Variants in ASTN2 observed in about 807,000 individuals in gnomAD.
ASTN2 encodes the protein astrotactin-2.
A neutral mutation model predicts 139.8 loss-of-function variants in ASTN2; 54 were observed. The observed-to-expected ratio is 0.39, with a 90% CI of 0.31 to 0.48. The LOEUF (loss-of-function observed/expected upper bound fraction) is 0.48. Ranked by LOEUF, ASTN2 falls within the 20% of genes least tolerant of loss-of-function variation. The probability of loss-of-function intolerance (pLI) is 0.95; values close to 1 mark genes in which losing one functional copy is unlikely to be tolerated. For missense variants in ASTN2, 1,565 were observed against 1,725.1 expected (o/e 0.91, Z 1.64); for synonymous variants, 756 against 719.5 (o/e 1.05, Z -0.81).
At chr9:117,246,030 C>T (rs1179793242) in intron 2 of ASTN2, among the ~76,000 whole-genome samples, 1 of 152,092 alleles carries the variant, frequency 6.6e-6, no homozygotes, top group African/African-American at 2.4e-5. Context: ...CAACTATGTC[C>T]CTGATGCGTG....
chr9:116,636,456 C>T (rs946087412), intron 17 of ASTN2, among the ~76,000 whole-genome samples: 6 of 152,142 alleles, frequency 3.9e-5, no homozygotes, highest in Non-Finnish European at 7.4e-5. Context: ...AGGTGGATCA[C>T]CTGAGGTCAG....
At chr9:117,046,003 T>C (rs368704629) in intron 5 of ASTN2, among the ~76,000 whole-genome samples, 1,430 of 108,402 alleles carry the variant, frequency 0.013, 18 homozygotes, top group Middle Eastern at 0.026. Flanking sequence ...TATGTATGTA[T>C]GTATGTATGT....
chr9:116,652,874 T>C (rs1857998191), intron 16 of ASTN2, among the ~76,000 whole-genome samples: 1 of 152,162 alleles, frequency 6.6e-6, no homozygotes, highest in Non-Finnish European at 1.5e-5. Flanking sequence ...TATAAACCAG[T>C]ATTTTCCACC....
intron 1 of ASTN2, among the ~76,000 whole-genome samples, chr9:117,319,755 G>T (rs1828267927): frequency 6.6e-6 from 1 of 151,992 alleles, no homozygotes; most frequent in African/African-American, 2.4e-5. Flanking sequence ...CATTATTAAG[G>T]CTCAATGAGG....
At chr9:117,336,958 C>T (rs1828906157) in intron 1 of ASTN2, among the ~76,000 whole-genome samples, 1 of 152,176 alleles carries the variant, frequency 6.6e-6, no homozygotes, top group African/African-American at 2.4e-5. Context: ...TCCGTTTTTC[C>T]TCTTAGCTGT....
At chr9:116,678,046 T>C (rs1378296864) in intron 16 of ASTN2, among the ~76,000 whole-genome samples, 1 of 152,198 alleles carries the variant, frequency 6.6e-6, no homozygotes, top group Non-Finnish European at 1.5e-5. Flanking sequence ...AAATAGAAAC[T>C]TTAATGCCTT....
rs75499885 is a variant in ASTN2 at position 117,158,157 on chromosome 9, C to T, written c.1016-16679G>A. Among the ~76,000 whole-genome samples the T allele has an allele frequency of 5.1e-4, 77 of 152,108 alleles. No individual in the cohort carries two copies. In the East Asian group the frequency reaches 9.1e-3, roughly 18 times the overall value. ...GCTCAAAGTCTCAATAGTAATTATA[C>T]GTGTAGTCAGGGTACTAACCCAGTT... On this transcript the variant is annotated intron_variant, in intron 3 of 22. Transcript: ENST00000313400.
chr9:117,052,426 C>A (rs4838119), intron 5 of ASTN2, among the ~76,000 whole-genome samples: 1 of 141,788 alleles, frequency 7.1e-6, no homozygotes, highest in Non-Finnish European at 1.5e-5. Context: ...GAGAGAGAGA[C>A]TCCATCTTAA....
At chr9:116,461,101 C>T (rs1242986489) in intron 20 of ASTN2, among the ~76,000 whole-genome samples, 1 of 152,028 alleles carries the variant, frequency 6.6e-6, no homozygotes, top group African/African-American at 2.4e-5. Flanking sequence ...CCCTCACCTC[C>T]TTTTCCATGA....
chr9:116,734,122 C>A (rs1442655888), intron 13 of ASTN2, among the ~76,000 whole-genome samples: 2 of 151,834 alleles, frequency 1.3e-5, no homozygotes, highest in Non-Finnish European at 2.9e-5. Flanking sequence ...GAAACTGAGG[C>A]CTGGAGAAAG....
intron 10 of ASTN2, among the ~76,000 whole-genome samples, chr9:116,897,046 C>T (rs1308304966): frequency 6.6e-6 from 1 of 152,114 alleles, no homozygotes; most frequent in African/African-American, 2.4e-5. Context: ...AGAAATGTGG[C>T]ATATTTTTCT....
intron 1 of ASTN2, among the ~76,000 whole-genome samples, chr9:117,391,184 C>T (rs1387048936): frequency 6.6e-6 from 1 of 152,148 alleles, no homozygotes; most frequent in Non-Finnish European, 1.5e-5. Flanking sequence ...TTCTAAGGGA[C>T]AGCTAAAGCT....
intron 19 of ASTN2, among the ~76,000 whole-genome samples, chr9:116,536,681 A>G (rs1294647872): frequency 6.6e-6 from 1 of 152,248 alleles, no homozygotes; most frequent in Non-Finnish European, 1.5e-5. Context: ...AATATTGCTG[A>G]ACAGCAAATG....
chr9:116,721,623 T>A (rs966073886), intron 16 of ASTN2, among the ~76,000 whole-genome samples: 3 of 152,204 alleles, frequency 2.0e-5, no homozygotes, highest in Non-Finnish European at 4.4e-5. Context: ...ATGCTAATCA[T>A]GTCTGGAACC....
At chr9:116,504,661 T>G (rs1451887900) in intron 19 of ASTN2, among the ~76,000 whole-genome samples, 4 of 152,062 alleles carry the variant, frequency 2.6e-5, no homozygotes, top group Non-Finnish European at 4.4e-5. Flanking sequence ...GCCTAGTATT[T>G]CATGTACTGC....
intron 7 of ASTN2, among the ~76,000 whole-genome samples, chr9:116,999,193 T>C (rs1009211023): frequency 3.3e-5 from 5 of 152,200 alleles, no homozygotes; most frequent in African/African-American, 1.2e-4. Flanking sequence ...CATGCTAAGT[T>C]ATTAGTGCTT....
chr9:116,451,929 G>A (rs1848188625), intron 20 of ASTN2, among the ~76,000 whole-genome samples: 1 of 150,446 alleles, frequency 6.6e-6, no homozygotes, highest in Non-Finnish European at 1.5e-5. Flanking sequence ...TAACAACAAT[G>A]ACTGTGTTTG....
At chr9:116,778,378 T>C (rs1830136600) in intron 13 of ASTN2, among the ~76,000 whole-genome samples, 1 of 142,162 alleles carries the variant, frequency 7.0e-6, no homozygotes, top group Admixed American at 7.6e-5. Flanking sequence ...CTTTACTAGC[T>C]TTACAATTAG....
chr9:116,945,019 C>T (rs1835350533), intron 10 of ASTN2, among the ~76,000 whole-genome samples: 1 of 152,142 alleles, frequency 6.6e-6, no homozygotes, highest in Admixed American at 6.5e-5. Flanking sequence ...CAAGATCTAT[C>T]CTTTCCATCT....
Sources: gnomAD v4.1 joint callset for allele counts (sites outside exome capture counted in the v4.1 genomes callset) on GRCh38, gnomAD v4.1.1 for gene constraint, MANE v1.5 for transcripts, NCBI Gene and HGNC (gene_info 2026-07-23, HGNC 2026-07-21) for gene names.